The following SMIM7 variants were observed in gnomAD, a reference collection of about 807,000 sequenced individuals.
SMIM7 encodes UPF0608 protein C19orf42.
In SMIM7, 12 loss-of-function variants were observed where a neutral mutation model predicts 13.3. The observed-to-expected ratio is 0.90, with a 90% CI of 0.58 to 1.46. The LOEUF (loss-of-function observed/expected upper bound fraction) is 1.46. Ranked by LOEUF, SMIM7 falls within the 40% of genes most tolerant of loss-of-function variation. SMIM7 has a pLI of 0.00. For missense variants in SMIM7, 114 were observed against 94.8 expected (o/e 1.20, Z -0.84); for synonymous variants, 36 against 35.8 (o/e 1.01, Z -0.02).
chr19:16,651,715 G>A (rs2086528427), intron 4 of SMIM7, among the ~76,000 whole-genome samples: 2 of 151,668 alleles, frequency 1.3e-5, no homozygotes, highest in Non-Finnish European at 2.9e-5. Context: ...GAACCATGCT[G>A]ACTTCTTCCC....
downstream of SMIM7, chr19:16,641,336 T>C (rs1599361541): frequency 6.6e-6 from 1 of 151,754 alleles, no homozygotes; most frequent in East Asian, 1.9e-4. Context: ...TTCACTCTTG[T>C]GGCCCAGGCT....
downstream of SMIM7, among the ~76,000 whole-genome samples, chr19:16,642,959 G>A (rs1271089361): frequency 6.6e-6 from 1 of 151,936 alleles, no homozygotes; most frequent in African/African-American, 2.4e-5. Context: ...GAGTAGCTGG[G>A]ATTACAGGCG....
Position 16,648,146 on chromosome 19 carries a change from C to CT in SMIM7, c.213-886dup, listed in dbSNP as rs887873199. Among the ~76,000 whole-genome samples the CT allele has an allele frequency of 5.5e-3, 805 of 147,296 alleles. 2 individuals carry two copies. The highest frequency in any genetic ancestry group is 0.015 in the African/African-American group (607 of 40,458). On this transcript the variant is annotated intron_variant, in intron 4 of 4. Transcript: ENST00000487416. The stretch of plus-strand genomic sequence containing the variant: ...AACTCAACTTCATCACAGTTAAAAA[C>CT]TTTTTTTTTTTTGAGATGGACTCTC...
rs753667777 is a variant in SMIM7 at position 16,660,096 on chromosome 19, G to T, written c.15C>A (p.Ile5=). 16 of 1,614,094 alleles carry T rather than the reference G, an allele frequency of 9.9e-6. No individual in the cohort carries two copies. In the East Asian group the frequency reaches 3.6e-4, roughly 36 times the overall value. MIGD[I]LLFGTLLMNA... ...GTCCCCCTAATTACCCGAACAGCAG[G>T]ATGTCTCCGATCATCGTTACGGCCG... The change falls in exon 1 of 5, where the codon ATC becomes ATA. Residue 5 remains isoleucine (I), a synonymous_variant. Coordinates refer to ENST00000487416, the MANE Select transcript of SMIM7 (RefSeq NM_024104.4).
At chr19:16,644,918 G>A (rs1044916939), downstream of SMIM7, 4 of 152,304 alleles carry the variant, frequency 2.6e-5, no homozygotes, top group Middle Eastern at 3.4e-3. Context: ...CTTGCAGGCC[G>A]ATTTTAGAGA....
At chr19:16,658,723 G>A (rs1426916601) in intron 3 of SMIM7, among the ~76,000 whole-genome samples, 7 of 152,198 alleles carry the variant, frequency 4.6e-5, no homozygotes, top group Admixed American at 2.6e-4. Context: ...CTATGTGTGA[G>A]GTTGTTCATT....
At chr19:16,649,144 G>A (rs572539815) in intron 4 of SMIM7, among the ~76,000 whole-genome samples, 106 of 152,250 alleles carry the variant, frequency 7.0e-4, no homozygotes, top group African/African-American at 2.5e-3. Context: ...AATGTAAAAT[G>A]TCGTAGCTAC....
At chr19:16,659,470 T>A (rs759671882) in intron 2 of SMIM7, 23 bp from the exon 3 acceptor site, 2 of 1,609,650 alleles carry the variant, frequency 1.2e-6, no homozygotes, top group Admixed American at 1.7e-5. Flanking sequence ...GCAGACAGTG[T>A]CCACTTTCAA....
chr19:16,650,004 GTTTC>G (rs1197451441), intron 4 of SMIM7, among the ~76,000 whole-genome samples: 5 of 152,266 alleles, frequency 3.3e-5, no homozygotes, highest in East Asian at 1.9e-4. Context: ...TGGGGACGCG[GTTTC>G]TTTCTGTGTT....
rs562964186 is a variant in SMIM7, at chr19:16,654,069, G to C, written c.178C>G (p.Leu60Val). 8.4e-5 allele frequency: 136 copies of C among 1,614,058 alleles called. 2 individuals carry two copies. In the South Asian group the frequency reaches 1.5e-3, roughly 17 times the overall value. Reference sequence around the variant, plus strand: ...CAGAACATCATGAAGATGTTCCACAGGGCGATGAAGATTCGAAAGTATCTG... The same window carrying C: ...CAGAACATCATGAAGATGTTCCACACGGCGATGAAGATTCGAAAGTATCTG... ...SLRYFRIFIA[L>V]WNIFMMFCMI... The change falls in exon 4 of 5, where the codon CTG becomes GTG. Residue 60 changes from leucine (L) to valine (V), a missense_variant. Transcript: ENST00000487416.
At chr19:16,651,409 T>C (rs1391230605) in intron 4 of SMIM7, among the ~76,000 whole-genome samples, 1 of 152,164 alleles carries the variant, frequency 6.6e-6, no homozygotes, top group Admixed American at 6.5e-5. Context: ...CCTAAGTGGT[T>C]ATGGCAGAAT....
chr19:16,651,773 T>C (rs1428855178), intron 4 of SMIM7, among the ~76,000 whole-genome samples: 2 of 150,420 alleles, frequency 1.3e-5, no homozygotes, highest in South Asian at 2.1e-4. Context: ...CATGCTGACT[T>C]CTTCCCTGCC....
intron 4 of SMIM7, among the ~76,000 whole-genome samples, chr19:16,636,772 T>G (rs1024231071): frequency 5.9e-5 from 9 of 151,860 alleles, no homozygotes; most frequent in Non-Finnish European, 1.2e-4. Context: ...GGCAACATAG[T>G]GAGACCCCAT....
intron 4 of SMIM7, chr19:16,633,698 G>C (rs1216720426): frequency 6.6e-6 from 1 of 152,060 alleles, no homozygotes; most frequent in African/African-American, 2.4e-5. Context: ...ACTCTGGCCT[G>C]GGTGACAGAG....
rs757708527 is a variant in SMIM7 at position 16,653,819 on chromosome 19, T to C, written c.212+216A>G. The C allele has an allele frequency of 9.3e-5, 50 of 538,258 alleles. No homozygotes were observed. In the South Asian group the frequency reaches 1.1e-3, roughly 11 times the overall value. The allele number at this position is 538,258 out of a possible 1,614,324, so 33.3% of individuals were successfully genotyped here. On this transcript the variant is annotated intron_variant, in intron 4 of 4. Coordinates refer to ENST00000487416, the MANE Select transcript of SMIM7 (RefSeq NM_024104.4). ...CTGAGGCAGGAGAATCGCTTAGACC[T>C]AAGAGGCCGAGGTTGCAGTGAGCCC... is the stretch of plus-strand genomic sequence containing the variant.
At chr19:16,636,184 C>T (rs988987650) in intron 4 of SMIM7, 4 of 151,936 alleles carry the variant, frequency 2.6e-5, no homozygotes, top group African/African-American at 9.7e-5. Flanking sequence ...ACTTGACAGG[C>T]TATTGGTTGC....
chr19:16,653,051 A>C lies in SMIM7; in HGVS notation c.212+984T>G, dbSNP rs2086549223. On this transcript the variant is annotated intron_variant, in intron 4 of 4. Transcript: ENST00000487416. ...CAGCCCAGGTGGAGCAGGATCTGGCAGTGTGCTGGACATTTAAACCATATT... is the reference window on the plus strand; with the variant it reads ...CAGCCCAGGTGGAGCAGGATCTGGCCGTGTGCTGGACATTTAAACCATATT... 5 of 1,425,320 alleles carry C rather than the reference A, an allele frequency of 3.5e-6. No individual in the cohort carries two copies. In the Admixed American group the frequency reaches 6.3e-5, roughly 18 times the overall value. The allele number at this position is 1,425,320 out of a possible 1,614,324, so 88.3% of individuals were successfully genotyped here. A position where few individuals can be genotyped will look rare whatever the true frequency, so the allele number is the denominator to read the frequency against.
intron 4 of SMIM7, chr19:16,636,641 G>A (rs181536504): frequency 3.9e-5 from 6 of 152,390 alleles, no homozygotes; most frequent in South Asian, 2.1e-4. Flanking sequence ...GTGGCAAGAG[G>A]ACACGAATAC....
intron 4 of SMIM7, chr19:16,636,587 ATTTGT>A (rs2086362881): frequency 6.6e-6 from 1 of 152,162 alleles, no homozygotes; most frequent in Admixed American, 6.6e-5. Context: ...GCCAGACTAA[ATTTGT>A]TTTGTTTGAC....
Sources: gnomAD v4.1 joint callset for allele counts (sites outside exome capture counted in the v4.1 genomes callset) on GRCh38, gnomAD v4.1.1 for gene constraint, MANE v1.5 for transcripts, NCBI Gene and HGNC (gene_info 2026-07-23, HGNC 2026-07-21) for gene names.